RUNX2: variants seen among roughly 807,000 people sequenced by gnomAD.
RUNX2 encodes the protein RUNX family transcription factor 2, also known as runt-related transcription factor 2.
RUNX2 carries 10 observed loss-of-function variants against 51.7 expected under a neutral mutation model. The observed-to-expected ratio is 0.19, with a 90% CI of 0.12 to 0.33. The LOEUF is 0.33. Among genes scored for constraint, RUNX2 ranks in the 10% least tolerant of loss-of-function variants. RUNX2 has a pLI of 1.00. For synonymous variants in RUNX2, 276 were observed against 273.6 expected (o/e 1.01, Z -0.09); for missense variants, 562 against 691.3 (o/e 0.81, Z 2.10).
At chr6:45,537,611 A>G (rs1184122274) in intron 7 of RUNX2, among the ~76,000 whole-genome samples, 1 of 152,108 alleles carries the variant, frequency 6.6e-6, no homozygotes, top group Non-Finnish European at 1.5e-5. Context: ...CTTTCCTCTT[A>G]GTCAATTTTT....
At chr6:45,420,065 A>G (rs764206327) in intron 2 of RUNX2, among the ~76,000 whole-genome samples, 14 of 152,028 alleles carry the variant, frequency 9.2e-5, no homozygotes, top group Non-Finnish European at 1.6e-4. Context: ...TAAAGCCCCA[A>G]TTAGGAAGGA....
chr6:45,454,383 C>T (rs1226940166), intron 5 of RUNX2, among the ~76,000 whole-genome samples: 5 of 152,176 alleles, frequency 3.3e-5, no homozygotes, highest in African/African-American at 4.8e-5. Flanking sequence ...ATGTAGCTTT[C>T]GTAGCATGAG....
intron 7 of RUNX2, among the ~76,000 whole-genome samples, chr6:45,526,927 A>T (rs1801689784): frequency 6.6e-6 from 1 of 152,262 alleles, no homozygotes; most frequent in South Asian, 2.1e-4. Context: ...TAAAGCCCTT[A>T]GAATAATGCC....
intron 5 of RUNX2, among the ~76,000 whole-genome samples, chr6:45,459,081 T>C (rs1799400496): frequency 6.6e-6 from 1 of 152,216 alleles, no homozygotes; most frequent in Non-Finnish European, 1.5e-5. Flanking sequence ...TTTCTTGACA[T>C]CCCATATTCT....
intron 7 of RUNX2, among the ~76,000 whole-genome samples, chr6:45,536,927 C>T (rs1305124319): frequency 2.0e-5 from 3 of 152,252 alleles, no homozygotes; most frequent in South Asian, 2.1e-4. Flanking sequence ...GGGTTAATCA[C>T]GAATTTCAAG....
chr6:45,367,318 A>T (rs1277063912), intron 2 of RUNX2, among the ~76,000 whole-genome samples: 2 of 152,214 alleles, frequency 1.3e-5, no homozygotes, highest in African/African-American at 2.4e-5. Context: ...ATTCTAAAAC[A>T]TATGAAGAAC....
intron 7 of RUNX2, among the ~76,000 whole-genome samples, chr6:45,514,152 A>G (rs1337888067): frequency 1.3e-5 from 2 of 152,196 alleles, no homozygotes; most frequent in Non-Finnish European, 2.9e-5. Context: ...TGATGGTAGC[A>G]TTAGAGACAC....
chr6:45,540,345 T>C (rs187087488), intron 7 of RUNX2, among the ~76,000 whole-genome samples: 17 of 152,266 alleles, frequency 1.1e-4, no homozygotes, highest in Admixed American at 6.5e-4. Context: ...GAATTTCCCT[T>C]TTCATGTGTG....
intron 2 of RUNX2, among the ~76,000 whole-genome samples, chr6:45,381,824 G>T (rs940342510): frequency 6.6e-5 from 10 of 152,150 alleles, no homozygotes; most frequent in African/African-American, 2.2e-4. Context: ...AATTATTAAG[G>T]TGTAATCAAA....
At chr6:45,372,353 T>A (rs928192774) in intron 2 of RUNX2, among the ~76,000 whole-genome samples, 1 of 152,208 alleles carries the variant, frequency 6.6e-6, no homozygotes, top group South Asian at 2.1e-4. Flanking sequence ...GATTAACTCA[T>A]GCAAAAGCAT....
rs536572149 is a variant in RUNX2 at position 45,538,335 on chromosome 6, C to T, written c.1022-6882C>T. Among the ~76,000 whole-genome samples, 4 of 152,266 alleles carry T rather than the reference C, an allele frequency of 2.6e-5. No homozygotes were observed. In the East Asian group the frequency reaches 5.8e-4, roughly 22 times the overall value. Reference sequence around the variant, plus strand: ...AGAGTTGGTCTTGTAGCCTCTGCCTCGCTCGCCATCTCCCCGCCACCTCCC... The same window carrying T: ...AGAGTTGGTCTTGTAGCCTCTGCCTTGCTCGCCATCTCCCCGCCACCTCCC... On this transcript the variant is annotated intron_variant, in intron 7 of 8. Coordinates refer to ENST00000647337, the MANE Select transcript of RUNX2 (RefSeq NM_001024630.4).
At chr6:45,443,036 CTTTTTTTTTTTT>C (rs10564853) in intron 5 of RUNX2, among the ~76,000 whole-genome samples, 1 of 52,170 alleles carries the variant, frequency 1.9e-5, no homozygotes, top group Non-Finnish European at 3.1e-5. Context: ...TCAGGCCTTG[CTTTTTTTTTTTT>C]TTTTTTTTTT....
chr6:45,526,942 G>A (rs1419263975), intron 7 of RUNX2, among the ~76,000 whole-genome samples: 1 of 152,210 alleles, frequency 6.6e-6, no homozygotes, highest in African/African-American at 2.4e-5. Flanking sequence ...AATGCCTGAT[G>A]CTCAATAAAT....
intron 2 of RUNX2, among the ~76,000 whole-genome samples, chr6:45,345,538 AAGAT>A (rs1562991878): frequency 6.6e-6 from 1 of 152,176 alleles, no homozygotes; most frequent in African/African-American, 2.4e-5. Flanking sequence ...CTAGTCCTCT[AAGAT>A]AGAAACCTTG....
chr6:45,404,693 T>G (rs1175806789), intron 2 of RUNX2, among the ~76,000 whole-genome samples: 1 of 152,220 alleles, frequency 6.6e-6, no homozygotes, highest in Non-Finnish European at 1.5e-5. Flanking sequence ...GAGGCCAAAC[T>G]TCACAATTTA....
chr6:45,534,274 T>C (rs1801961642), intron 7 of RUNX2, among the ~76,000 whole-genome samples: 1 of 151,964 alleles, frequency 6.6e-6, no homozygotes, highest in African/African-American at 2.4e-5. Context: ...AGGACACAAA[T>C]TGGAAACCCA....
chr6:45,411,085 C>T (rs542203241), intron 2 of RUNX2, among the ~76,000 whole-genome samples: 107 of 152,190 alleles, frequency 7.0e-4, no homozygotes, highest in African/African-American at 2.4e-3. Context: ...CAATATAAAC[C>T]TTCTGAAAGT....
chr6:45,395,819 G>C (rs111425365), intron 2 of RUNX2, among the ~76,000 whole-genome samples: 11,270 of 151,828 alleles, frequency 0.074, 573 homozygotes, highest in South Asian at 0.18. Flanking sequence ...CATGTGACAC[G>C]ACACCCAGCT....
At chr6:45,454,986 C>T (rs1285494217) in intron 5 of RUNX2, among the ~76,000 whole-genome samples, 2 of 152,092 alleles carry the variant, frequency 1.3e-5, no homozygotes, top group African/African-American at 2.4e-5. Flanking sequence ...TGGTGGCAGG[C>T]GACTGTAGTC....
Sources: gnomAD v4.1 joint callset for allele counts (sites outside exome capture counted in the v4.1 genomes callset) on GRCh38, gnomAD v4.1.1 for gene constraint, MANE v1.5 for transcripts, NCBI Gene and HGNC (gene_info 2026-07-23, HGNC 2026-07-21) for gene names.